Variants in C19orf44 observed in about 807,000 individuals in gnomAD.
C19orf44 encodes uncharacterized protein C19orf44.
Under a neutral mutation model 50.7 loss-of-function variants are expected in C19orf44, and 43 were observed. That is an observed-to-expected ratio of 0.85 (90% CI 0.66 to 1.09). The LOEUF (loss-of-function observed/expected upper bound fraction) is 1.09, where lower values mean the gene tolerates loss of function less well. Ranked by LOEUF, C19orf44 falls within the 50% of genes least tolerant of loss-of-function variation. The probability of loss-of-function intolerance (pLI) is 0.00; values close to 1 mark genes in which losing one functional copy is unlikely to be tolerated. For synonymous variants in C19orf44, 298 were observed against 334.7 expected, an observed-to-expected ratio of 0.89 and a Z score of 1.20; for missense variants, 722 against 836.2, an observed-to-expected ratio of 0.86 and a Z score of 1.68.
At position 16,513,052 on chromosome 19, in the gene C19orf44, G is replaced by A. The variant is rs766682277; in HGVS notation, c.1678G>A (p.Ala560Thr). Residue 560 changes from alanine to threonine, a missense_variant, in exon 6 of 9, where the codon GCC becomes ACC. Coordinates refer to ENST00000221671, the MANE Select transcript of C19orf44 (RefSeq NM_032207.4). ...AGCCATGGGGCCTGCCCTGGGAGGC[G>A]CCTACGTGGACCCGACACCCATCGC... is the stretch of plus-strand genomic sequence containing the variant. The part of the protein sequence containing the change: ...MAAMGPALGG[A>T]YVDPTPIANH... 1.7e-5 allele frequency: 28 copies of A among 1,613,506 alleles called. No individual in the cohort carries two copies. The highest frequency in any genetic ancestry group is 3.3e-5 in the South Asian group (3 of 91,082).
chr19:16,503,347 C>T lies in C19orf44; in HGVS notation c.1042C>T (p.Pro348Ser), dbSNP rs867293445. 1 of 1,613,062 alleles carries T rather than the reference C, an allele frequency of 6.2e-7. No individual in the cohort carries two copies. The highest frequency in any genetic ancestry group is 1.3e-5 in the African/African-American group (1 of 75,028). The change falls in exon 3 of 9, where the codon CCA becomes TCA. Residue 348 changes from proline (P) to serine (S), a missense_variant. Physicochemically the swap from Pro to Ser is moderately conservative, Grantham distance 74. Transcript: ENST00000221671. ...GRSEAETVDE[P>S]VSEGADDSLD... ...GAGTGAGGCTGAGACTGTGGACGAG[C>T]CAGTCTCAGAAGGTGCTGATGACAG...
In C19orf44 at chr19:16,512,997, CTT is replaced by C. The variant is rs1298700779; in HGVS notation, c.1640-15_1640-14del. On this transcript the variant is annotated splice_polypyrimidine_tract_variant and intron_variant, in intron 5 of 8. Transcript: ENST00000221671. The stretch of plus-strand genomic sequence containing the variant: ...CTGCGTCCTGCCTGCTTACCCCTCT[CTT>C]TGTCCCCGAGATAGTGGCCAGCATG... The C allele has an allele frequency of 2.5e-6, 4 of 1,610,156 alleles. No individual in the cohort carries two copies. Among genetic ancestry groups the C allele is most frequent in the East Asian group, 2.2e-5 (1 of 44,862 alleles).
intron 3 of C19orf44, among the ~76,000 whole-genome samples, chr19:16,506,275 A>G (rs1468283378): frequency 6.7e-6 from 1 of 148,692 alleles, no homozygotes; most frequent in South Asian, 2.4e-4. Context: ...GCGCCTGGCC[A>G]TGTCTTCATA....
rs889925754 is a variant in C19orf44 at position 16,521,156 on chromosome 19, C to T, written c.*1103C>T. ...CTGTTCCGCTGAGGTGGTGGGGACC[C>T]ATGGTCTGTGGAACTGGGAAACAGG... On this transcript the variant is annotated 3_prime_UTR_variant, in exon 9 of 9. Transcript: ENST00000221671. 10 of 590,826 alleles carry T rather than the reference C, an allele frequency of 1.7e-5. No individual in the cohort carries two copies. The highest frequency in any genetic ancestry group is 2.1e-5 in the Non-Finnish European group (7 of 330,746). 36.6% of individuals were successfully genotyped at this position (590,826 alleles called of 1,614,324 possible).
At chr19:16,511,491 G>A (rs563307278) in intron 5 of C19orf44, among the ~76,000 whole-genome samples, 2 of 152,198 alleles carry the variant, frequency 1.3e-5, no homozygotes, top group East Asian at 3.9e-4. Context: ...CCTGGCCTTC[G>A]GGCATTTCTC....
rs375608776 is a variant in C19orf44, at chr19:16,509,923, G to C, written c.1574G>C (p.Arg525Thr). ...AAAAAGTCGGGCAGGCACGTGACAA[G>C]AGTGCTTGTGAAGGACACAGCTGTG... ...SRKKSGRHVTRVLVKDTAVQT... is the reference protein window; with the variant it reads ...SRKKSGRHVTTVLVKDTAVQT... Residue 525 changes from arginine to threonine, a missense_variant, in exon 5 of 9, where the codon AGA (arginine) becomes ACA (threonine). By Grantham distance (71) the Arg-to-Thr change is moderately conservative. Coordinates refer to ENST00000221671, the MANE Select transcript of C19orf44 (RefSeq NM_032207.4). 1.2e-5 allele frequency: 19 copies of C among 1,614,158 alleles called. No homozygotes were observed. The highest frequency in any genetic ancestry group is 2.7e-5 in the African/African-American group (2 of 74,956).
chr19:16,520,849 C>G lies in C19orf44; in HGVS notation c.*796C>G. The G allele has an allele frequency of 6.2e-7, 1 of 1,613,944 alleles. No individual in the cohort carries two copies. Among genetic ancestry groups the G allele is most frequent in the Non-Finnish European group, 8.5e-7 (1 of 1,180,046 alleles). ...ACCTGTTCCTCTTCTCCTGGCCTTT[C>G]CTCCGCCGGGCCCGCATTTTTGCTC... On this transcript the variant is annotated 3_prime_UTR_variant, in exon 9 of 9. Transcript: ENST00000221671. The surrounding 1 kb of genome is among the most constrained non-coding windows in gnomAD (Gnocchi z 4.0).
Position 16,520,678 on chromosome 19 carries a change from T to C in C19orf44, c.*625T>C, listed in dbSNP as rs1360932579. 2 of 1,126,742 alleles carry C rather than the reference T, an allele frequency of 1.8e-6. No individual in the cohort carries two copies. Among genetic ancestry groups the C allele is most frequent in the Non-Finnish European group, 2.6e-6 (2 of 764,622 alleles). 69.8% of individuals were successfully genotyped at this position (1,126,742 alleles called of 1,614,324 possible). ...TAAATAGTGTGGCCGAGCCTGCTGCTGTGTGAATTCAGGCCTTGTGGAAAA... is the reference window on the plus strand; with the variant it reads ...TAAATAGTGTGGCCGAGCCTGCTGCCGTGTGAATTCAGGCCTTGTGGAAAA... On this transcript the variant is annotated 3_prime_UTR_variant, in exon 9 of 9. Transcript: ENST00000221671. The surrounding 1 kb of genome is among the most constrained non-coding windows in gnomAD (Gnocchi z 4.0).
Position 16,519,357 on chromosome 19 carries a change from A to T in C19orf44, c.*41-737A>T, listed in dbSNP as rs1203570459. ...GGCCGCCTGAGCCGCTCCAGCCTGG[A>T]AACAGAGACGCAGTCACAACCACAA... On this transcript the variant is annotated intron_variant, in intron 8 of 8. Coordinates refer to ENST00000221671, the MANE Select transcript of C19orf44 (RefSeq NM_032207.4). The surrounding 1 kb of genome is among the most constrained non-coding windows in gnomAD (Gnocchi z 6.0). 3.1e-6 allele frequency: 5 copies of T among 1,609,036 alleles called. No homozygotes were observed. The highest frequency in any genetic ancestry group is 4.2e-6 in the Non-Finnish European group (5 of 1,178,732).
At position 16,520,633 on chromosome 19, in the gene C19orf44, C is replaced by T; in HGVS notation, c.*580C>T. On this transcript the variant is annotated 3_prime_UTR_variant, in exon 9 of 9. Transcript: ENST00000221671. This position sits in a 1 kb window ranked among gnomAD's most constrained non-coding sequence, Gnocchi z 4.0. ...GGCTGTGGATGTGGCGCCATAGCCACAGCAACGGTACCAAGTTCCTAAATA... is the reference window on the plus strand; with the variant it reads ...GGCTGTGGATGTGGCGCCATAGCCATAGCAACGGTACCAAGTTCCTAAATA... The T allele has an allele frequency of 8.0e-7, 1 of 1,243,664 alleles. No homozygotes were observed. Among genetic ancestry groups the T allele is most frequent in the Middle Eastern group, 2.5e-4 (1 of 4,048 alleles). 77.0% of individuals were successfully genotyped at this position (1,243,664 alleles called of 1,614,324 possible).
chr19:16,512,890 G>T, intron 5 of C19orf44, 124 bp from the exon 6 acceptor site: 3 of 708,386 alleles, frequency 4.2e-6, no homozygotes, highest in Non-Finnish European at 6.9e-6. Context: ...ATGCAAGAGT[G>T]GCGATCACCT....
chr19:16,520,749 G>C lies in C19orf44; in HGVS notation c.*696G>C. 2.1e-6 allele frequency: 3 copies of C among 1,400,070 alleles called. No homozygotes were observed. Among genetic ancestry groups the C allele is most frequent in the Non-Finnish European group, 3.0e-6 (3 of 990,962 alleles). The allele number at this position is 1,400,070 out of a possible 1,614,324, so 86.7% of individuals were successfully genotyped here. A position where few individuals can be genotyped will look rare whatever the true frequency, so the allele number is the denominator to read the frequency against. On this transcript the variant is annotated 3_prime_UTR_variant, in exon 9 of 9. Transcript: ENST00000221671. The surrounding 1 kb of genome is among the most constrained non-coding windows in gnomAD (Gnocchi z 4.0). ...CTGTGTGAGGGTGGACGTGATGAGT[G>C]TATCTGGGGTCTGCTCCCACCCATC...
At chr19:16,505,553 C>T (rs893290594) in intron 3 of C19orf44, among the ~76,000 whole-genome samples, 12 of 152,152 alleles carry the variant, frequency 7.9e-5, no homozygotes, top group East Asian at 5.8e-4. Context: ...AAGGCAGCCA[C>T]GCTCCTTCCT....
At chr19:16,509,431 T>C in intron 4 of C19orf44, 68 bp from the exon 5 acceptor site, 10 of 1,513,134 alleles carry the variant, frequency 6.6e-6, no homozygotes, top group Non-Finnish European at 8.8e-6. Flanking sequence ...CTCCTAGGAG[T>C]GCAGTGTTCC....
intron 1 of C19orf44, among the ~76,000 whole-genome samples, chr19:16,500,303 C>T (rs991521173): frequency 2.0e-5 from 3 of 151,774 alleles, no homozygotes; most frequent in Admixed American, 2.0e-4. Context: ...CCTCGATTTT[C>T]ACACGTCACC....
chr19:16,515,981 A>G (rs1465829113), intron 7 of C19orf44, among the ~76,000 whole-genome samples: 2 of 152,124 alleles, frequency 1.3e-5, no homozygotes, highest in African/African-American at 2.4e-5. Context: ...TATCTTTAGT[A>G]GAGACAGGGT....
rs543141111 is a variant in C19orf44, at chr19:16,520,863, G to A, written c.*810G>A. On this transcript the variant is annotated 3_prime_UTR_variant, in exon 9 of 9. Coordinates refer to ENST00000221671, the MANE Select transcript of C19orf44 (RefSeq NM_032207.4). This position sits in a 1 kb window ranked among gnomAD's most constrained non-coding sequence, Gnocchi z 4.0. Reference sequence around the variant, plus strand: ...TCCTGGCCTTTCCTCCGCCGGGCCCGCATTTTTGCTCGGAAGAACTCATAG... The same window carrying A: ...TCCTGGCCTTTCCTCCGCCGGGCCCACATTTTTGCTCGGAAGAACTCATAG... 3.1e-6 allele frequency: 5 copies of A among 1,613,714 alleles called. No homozygotes were observed. Among genetic ancestry groups the A allele is most frequent in the Non-Finnish European group, 4.2e-6 (5 of 1,180,030 alleles).
chr19:16,509,726 C>T lies in C19orf44; in HGVS notation c.1377C>T (p.Pro459=). Residue 459 remains proline, a synonymous_variant, in exon 5 of 9, where the codon CCC becomes CCT. Transcript: ENST00000221671. ...TSSMQPPSEA[P]MVNTVSSAYS... ...GCATGCAGCCACCATCTGAAGCCCC[C>T]ATGGTGAACACAGTCAGCTCAGCTT... The T allele has an allele frequency of 6.2e-7, 1 of 1,614,262 alleles. No homozygotes were observed.
intron 3 of C19orf44, 73 bp downstream of exon 3, chr19:16,503,453 A>G (rs2093431825): frequency 6.8e-7 from 1 of 1,466,724 alleles, no homozygotes; most frequent in Admixed American, 2.1e-5. Context: ...TCCCTGACGC[A>G]GTGGTCATGG....
Sources: allele counts gnomAD v4.1 joint callset (sites outside exome capture counted in the v4.1 genomes callset), GRCh38; gene constraint gnomAD v4.1.1; non-coding constraint Gnocchi (gnomAD v3.1); transcripts MANE v1.5; gene names NCBI Gene and HGNC (gene_info 2026-07-23, HGNC 2026-07-21).